Variants in PTPRD observed in about 807,000 individuals in gnomAD.
PTPRD encodes protein tyrosine phosphatase receptor type D.
PTPRD carries 34 observed loss-of-function variants against 214.5 expected under a neutral mutation model. That is an observed-to-expected ratio of 0.16 (90% CI 0.12 to 0.21). The LOEUF is 0.21. PTPRD is among the 10% of genes least tolerant of loss of function. The pLI, the probability that PTPRD is intolerant of heterozygous loss-of-function variation, is 1.00. For synonymous variants in PTPRD, 1,128 were observed against 845.7 expected, an observed-to-expected ratio of 1.33 and a Z score of -5.79; for missense variants, 2,545 against 2,398.7, an observed-to-expected ratio of 1.06 and a Z score of -1.27.
At chr9:10,486,255 C>G (rs2062418316) in intron 2 of PTPRD, among the ~76,000 whole-genome samples, 1 of 152,022 alleles carries the variant, frequency 6.6e-6, no homozygotes, top group South Asian at 2.1e-4. Context: ...AAGTCTTTGC[C>G]CACGCCTATG....
At chr9:10,491,672 T>C (rs1379234933) in intron 2 of PTPRD, among the ~76,000 whole-genome samples, 1 of 151,918 alleles carries the variant, frequency 6.6e-6, no homozygotes, top group African/African-American at 2.4e-5. Context: ...GAGAAAAAAG[T>C]AGTATTTCTA....
chr9:10,536,875 T>C (rs2057926900), intron 2 of PTPRD, among the ~76,000 whole-genome samples: 1 of 152,158 alleles, frequency 6.6e-6, no homozygotes, highest in Non-Finnish European at 1.5e-5. Flanking sequence ...TAAATCTAAT[T>C]AGTAATTGGC....
intron 2 of PTPRD, among the ~76,000 whole-genome samples, chr9:10,556,412 A>G (rs1250486867): frequency 6.6e-6 from 1 of 152,086 alleles, no homozygotes; most frequent in Non-Finnish European, 1.5e-5. Context: ...TTTCCATGAC[A>G]CTATATCATT....
intron 2 of PTPRD, among the ~76,000 whole-genome samples, chr9:10,545,744 C>G (rs555231913): frequency 6.6e-6 from 1 of 152,114 alleles, no homozygotes; most frequent in Non-Finnish European, 1.5e-5. Flanking sequence ...TCTGGAAGAA[C>G]CCCAAGCTGA....
At chr9:8,325,497 T>G (rs952414177) in intron 44 of PTPRD, among the ~76,000 whole-genome samples, 2 of 148,952 alleles carry the variant, frequency 1.3e-5, no homozygotes, top group African/African-American at 4.9e-5. Context: ...TACTGTAGCC[T>G]TGTTTGAAGT....
chr9:9,276,125 G>C (rs1945540782), intron 9 of PTPRD, among the ~76,000 whole-genome samples: 2 of 151,198 alleles, frequency 1.3e-5, no homozygotes, highest in Admixed American at 6.6e-5. Flanking sequence ...CTTAAGTAAA[G>C]TCCCGTCAGT....
At position 9,611,263 on chromosome 9, in the gene PTPRD, T is replaced by C. The variant is rs530783118; in HGVS notation, c.-286-36482A>G. Among the ~76,000 whole-genome samples the C allele has an allele frequency of 1.9e-4, 29 of 152,302 alleles. No homozygotes were observed. The South Asian group carries it at 2.3e-3, about 12-fold the overall frequency. Reference sequence around the variant, plus strand: ...TAATGATGACATATAAATAACAGAATTGGAAAATCTAGATCAAAATACGCA... The same window carrying C: ...TAATGATGACATATAAATAACAGAACTGGAAAATCTAGATCAAAATACGCA... On this transcript the variant is annotated intron_variant, in intron 7 of 45. Coordinates refer to ENST00000381196, the MANE Select transcript of PTPRD (RefSeq NM_002839.4).
Position 8,740,307 on chromosome 9 carries a change from T to C in PTPRD, c.-103-6361A>G, listed in dbSNP as rs74849844. Among the ~76,000 whole-genome samples, 882 of 152,308 alleles carry C rather than the reference T, an allele frequency of 5.8e-3. 14 individuals are homozygous for C. Among genetic ancestry groups the C allele is most frequent in the Admixed American group, 0.032 (494 of 15,298 alleles). On this transcript the variant is annotated intron_variant, in intron 11 of 45. Coordinates refer to ENST00000381196, the MANE Select transcript of PTPRD (RefSeq NM_002839.4). The stretch of plus-strand genomic sequence containing the variant: ...GTTAAAGATGGCGTTTCATACTTCA[T>C]TGTATTTCTCACTACTTCTGGCAGC...
intron 3 of PTPRD, among the ~76,000 whole-genome samples, chr9:10,091,179 CA>C (rs2098425682): frequency 6.6e-6 from 1 of 151,356 alleles, no homozygotes; most frequent in African/African-American, 2.4e-5. Flanking sequence ...TAGAAATTAT[CA>C]GAGGTATTCA....
intron 6 of PTPRD, among the ~76,000 whole-genome samples, chr9:9,755,098 A>G (rs2098555711): frequency 6.6e-6 from 1 of 152,028 alleles, no homozygotes; most frequent in South Asian, 2.1e-4. Context: ...AAGAATCTGC[A>G]TATTAAACAA....
intron 2 of PTPRD, among the ~76,000 whole-genome samples, chr9:10,590,806 C>G (rs558741967): frequency 6.5e-4 from 99 of 151,854 alleles, no homozygotes; most frequent in Non-Finnish European, 2.5e-4. Context: ...AAAACCCATT[C>G]ATTATTTCTA....
At chr9:9,927,203 A>C (rs1325676288) in intron 5 of PTPRD, among the ~76,000 whole-genome samples, 1 of 152,146 alleles carries the variant, frequency 6.6e-6, no homozygotes, top group Non-Finnish European at 1.5e-5. Flanking sequence ...CACTGGGGGT[A>C]CAACACAATG....
chr9:8,622,902 A>G (rs60686483), intron 14 of PTPRD, among the ~76,000 whole-genome samples: 44,126 of 151,676 alleles, frequency 0.29, 6,846 homozygotes, highest in African/African-American at 0.4. Flanking sequence ...ACTTTGGGAA[A>G]ACGAGGTGGG....
chr9:10,391,002 A>G (rs1344376575), intron 2 of PTPRD, among the ~76,000 whole-genome samples: 1 of 151,822 alleles, frequency 6.6e-6, no homozygotes, highest in African/African-American at 2.4e-5. Flanking sequence ...TGACTTTACA[A>G]TGGAGGAGAA....
At chr9:9,818,910 T>C (rs2761751) in intron 5 of PTPRD, among the ~76,000 whole-genome samples, 75,021 of 138,394 alleles carry the variant, frequency 0.54, 22,366 homozygotes, top group East Asian at 0.88. Context: ...AGCAAGACAC[T>C]GTCTCAAAAA....
rs2096033994 is a variant in PTPRD at position 8,626,341 on chromosome 9, C to A, written c.352+6976G>T. Among the ~76,000 whole-genome samples, 3 of 151,912 alleles carry A rather than the reference C, an allele frequency of 2.0e-5. 1 individual carries two copies. The South Asian group carries it at 6.2e-4, about 31-fold the overall frequency. ...TAAAGATGGCCTAGGTTAACTTAATCACACCTTTTCTCACTTATTAGGTTT... is the reference window on the plus strand; with the variant it reads ...TAAAGATGGCCTAGGTTAACTTAATAACACCTTTTCTCACTTATTAGGTTT... On this transcript the variant is annotated intron_variant, in intron 14 of 45. Coordinates refer to ENST00000381196, the MANE Select transcript of PTPRD (RefSeq NM_002839.4).
intron 8 of PTPRD, among the ~76,000 whole-genome samples, chr9:9,404,691 T>C (rs1370143739): frequency 6.6e-6 from 1 of 151,994 alleles, no homozygotes; most frequent in Non-Finnish European, 1.5e-5. Context: ...TATAGTTCAG[T>C]GGAGAGTCTA....
chr9:9,623,278 G>C (rs528614511), intron 7 of PTPRD, among the ~76,000 whole-genome samples: 1 of 152,130 alleles, frequency 6.6e-6, no homozygotes. Flanking sequence ...TTTCAGTTTT[G>C]CACAATGAGG....
At chr9:9,926,433 G>C (rs1229601623) in intron 5 of PTPRD, among the ~76,000 whole-genome samples, 4 of 151,992 alleles carry the variant, frequency 2.6e-5, no homozygotes, top group East Asian at 1.9e-4. Flanking sequence ...AAAAAAGGAA[G>C]ATATCAAGGA....
Sources: allele counts gnomAD v4.1 joint callset (sites outside exome capture counted in the v4.1 genomes callset), GRCh38; gene constraint gnomAD v4.1.1; transcripts MANE v1.5; gene names NCBI Gene and HGNC (gene_info 2026-07-23, HGNC 2026-07-21).